HOOK1: variants seen among roughly 807,000 people sequenced by gnomAD.
HOOK1 encodes hook microtubule tethering protein 1.
In HOOK1, 60 loss-of-function variants were observed where a neutral mutation model predicts 112.8. The observed-to-expected ratio is 0.53, with a 90% confidence interval of 0.43 to 0.66. The LOEUF (loss-of-function observed/expected upper bound fraction) is 0.66. Ranked by LOEUF, HOOK1 falls within the 30% of genes least tolerant of loss-of-function variation. The pLI is 0.00. For missense variants in HOOK1, 770 were observed against 856.0 expected (o/e 0.90, Z 1.25); for synonymous variants, 294 against 283.8 (o/e 1.04, Z -0.36).
At chr1:59,833,169 A>C (rs1574186154) in intron 4 of HOOK1, among the ~76,000 whole-genome samples, 2 of 152,168 alleles carry the variant, frequency 1.3e-5, no homozygotes. Context: ...TGACAGTGAA[A>C]TCAAAGGATA....
chr1:59,843,864 A>C (rs1219600625), intron 9 of HOOK1, among the ~76,000 whole-genome samples: 1 of 152,074 alleles, frequency 6.6e-6, no homozygotes, highest in Non-Finnish European at 1.5e-5. Context: ...ATAGGAGTTC[A>C]AGGCAGTGAT....
intron 8 of HOOK1, among the ~76,000 whole-genome samples, chr1:59,841,375 A>G (rs1299616549): frequency 6.6e-6 from 1 of 152,146 alleles, no homozygotes; most frequent in East Asian, 1.9e-4. Flanking sequence ...ATCTAAAATG[A>G]CAGGGCTAGA....
chr1:59,840,431 T>A (rs968867181), intron 8 of HOOK1, 40 bp downstream of exon 8: 6 of 1,317,588 alleles, frequency 4.6e-6, no homozygotes, highest in Non-Finnish European at 6.2e-6. Flanking sequence ...ACTTCCTCTT[T>A]AAGTTTACAG....
rs566284311 is a variant in HOOK1 at position 59,860,922 on chromosome 1, C to T, written c.1532+594C>T. ...CCAAGTAGATGGGACTATAGGCACA[C>T]GCCACTACGCCTGGCTAATTTTTTT... On this transcript the variant is annotated intron_variant, in intron 15 of 21. Transcript: ENST00000371208. Among the ~76,000 whole-genome samples, 8 of 151,982 alleles carry T rather than the reference C, an allele frequency of 5.3e-5. No homozygotes were observed. In the South Asian group the frequency reaches 1.0e-3, roughly 20 times the overall value.
At chr1:59,826,469 T>A (rs2098390015) in intron 2 of HOOK1, among the ~76,000 whole-genome samples, 1 of 152,174 alleles carries the variant, frequency 6.6e-6, no homozygotes, top group Non-Finnish European at 1.5e-5. Flanking sequence ...AGGAGATATA[T>A]TTTTACTAAG....
intron 19 of HOOK1, among the ~76,000 whole-genome samples, chr1:59,867,446 C>T (rs1177905794): frequency 2.6e-5 from 4 of 152,118 alleles, no homozygotes; most frequent in Admixed American, 2.0e-4. Flanking sequence ...TGGTATTTTA[C>T]CATCCAGTCT....
In HOOK1 at chr1:59,848,210, T is replaced by C. The variant is rs2098405214; in HGVS notation, c.930-105T>C. ...TCTCACTCACTCACATTTACTTTTC[T>C]TTTTTCTTTTTTGTGATAGTTTGGA... is the stretch of plus-strand genomic sequence containing the variant. On this transcript the variant is annotated intron_variant, in intron 10 of 21. Coordinates refer to ENST00000371208, the MANE Select transcript of HOOK1 (RefSeq NM_015888.6). The C allele has an allele frequency of 1.4e-5, 11 of 809,850 alleles. No individual in the cohort carries two copies. In the South Asian group the frequency reaches 2.1e-4, roughly 15 times the overall value. 50.2% of individuals were successfully genotyped at this position (809,850 alleles called of 1,614,324 possible).
At chr1:59,859,140 C>T in intron 14 of HOOK1, 95 bp downstream of exon 14, 1 of 405,972 alleles carries the variant, frequency 2.5e-6, no homozygotes, top group Admixed American at 4.6e-5. Flanking sequence ...TATTTTATGA[C>T]TCATAGAGCT....
intron 3 of HOOK1, among the ~76,000 whole-genome samples, chr1:59,831,451 G>T (rs1411524292): frequency 6.6e-6 from 1 of 152,036 alleles, no homozygotes; most frequent in South Asian, 2.1e-4. Context: ...ATAGTTCCCT[G>T]GATTGTTATT....
At chr1:59,830,428 T>C (rs192465908) in intron 3 of HOOK1, among the ~76,000 whole-genome samples, 16 of 152,194 alleles carry the variant, frequency 1.1e-4, no homozygotes, top group Admixed American at 5.2e-4. Context: ...ATGAATTCAC[T>C]TATTATGAAA....
chr1:59,846,585 T>TTCCTC (rs2098404099), intron 9 of HOOK1, among the ~76,000 whole-genome samples: 1 of 61,030 alleles, frequency 1.6e-5, no homozygotes, highest in African/African-American at 7.4e-5. Context: ...CTTCCTTCCT[T>TTCCTC]CCTCCCTCCT....
chr1:59,836,894 A>G lies in HOOK1; in HGVS notation c.496A>G (p.Ser166Gly). The G allele has an allele frequency of 6.3e-7, 1 of 1,590,158 alleles. No homozygotes were observed. Among genetic ancestry groups the G allele is most frequent in the Non-Finnish European group, 8.6e-7 (1 of 1,161,820 alleles). ...CTAGTTGATGAGTAAAGAAATATTG[A>G]GCTCTCCTCCAAATGATGCTGTTGG... The part of the protein sequence containing the change: ...IQELMSKEIL[S>G]SPPNDAVGEL... The change falls in exon 7 of 22, where the codon AGC (serine) becomes GGC (glycine). Residue 166 changes from serine to glycine, a missense_variant. Ser to Gly is a moderately conservative substitution (Grantham distance 56). This residue lies in a region of HOOK1 where 655 missense variants were observed against 725.9 expected (regional missense o/e 0.90). Coordinates refer to ENST00000371208, the MANE Select transcript of HOOK1 (RefSeq NM_015888.6).
intron 17 of HOOK1, 44 bp from the exon 18 acceptor site, chr1:59,865,119 G>A: frequency 3.3e-6 from 4 of 1,205,858 alleles, no homozygotes; most frequent in Non-Finnish European, 3.7e-6. Flanking sequence ...GTCCACAAAT[G>A]TTATATGGCA....
intron 21 of HOOK1, among the ~76,000 whole-genome samples, chr1:59,872,571 T>C (rs1356909636): frequency 6.6e-6 from 1 of 152,208 alleles, no homozygotes; most frequent in Non-Finnish European, 1.5e-5. Context: ...CTGTTTTAAA[T>C]AATTTTAAAT....
chr1:59,843,613 G>C lies in HOOK1; in HGVS notation c.788+15G>C. ...GAAAACTTCAGGTAGCATTTTTAATGGAAATCATTTTATGGAGTTCTGTCT... is the reference window on the plus strand; with the variant it reads ...GAAAACTTCAGGTAGCATTTTTAATCGAAATCATTTTATGGAGTTCTGTCT... On this transcript the variant is annotated intron_variant, in intron 9 of 21. Coordinates refer to ENST00000371208, the MANE Select transcript of HOOK1 (RefSeq NM_015888.6). 1 of 1,584,876 alleles carries C rather than the reference G, an allele frequency of 6.3e-7. No individual in the cohort carries two copies. The highest frequency in any genetic ancestry group is 8.6e-7 in the Non-Finnish European group (1 of 1,164,298).
intron 6 of HOOK1, 147 bp from the exon 7 acceptor site, chr1:59,836,726 G>A (rs1461891803): frequency 4.1e-6 from 2 of 484,918 alleles, no homozygotes; most frequent in East Asian, 6.2e-5. Context: ...CTCTAATAAA[G>A]TTTTTATCTG....
chr1:59,837,837 C>G (rs2098398731), intron 7 of HOOK1, among the ~76,000 whole-genome samples: 1 of 151,976 alleles, frequency 6.6e-6, no homozygotes, highest in African/African-American at 2.4e-5. Flanking sequence ...TAATGTTATC[C>G]CTTTCCTAGC....
chr1:59,827,640 G>C (rs924594315), intron 2 of HOOK1, among the ~76,000 whole-genome samples: 8 of 151,920 alleles, frequency 5.3e-5, no homozygotes, highest in African/African-American at 1.7e-4. Flanking sequence ...AAAGAAAATG[G>C]TTATGTACAA....
intron 20 of HOOK1, among the ~76,000 whole-genome samples, 162 bp downstream of exon 20, chr1:59,868,513 A>G (rs111343806): frequency 6.6e-6 from 1 of 152,230 alleles, no homozygotes; most frequent in African/African-American, 2.4e-5. Context: ...TGGCCGCCCA[A>G]TAGATGCTCT....
Sources: gnomAD v4.1 joint callset for allele counts (sites outside exome capture counted in the v4.1 genomes callset) on GRCh38, gnomAD v4.1.1 for gene constraint, gnomAD v4.1.1 regional missense constraint, MANE v1.5 for transcripts, NCBI Gene and HGNC (gene_info 2026-07-23, HGNC 2026-07-21) for gene names.